IGLL5: variants seen among roughly 807,000 people sequenced by gnomAD.
The protein encoded by IGLL5 is immunoglobulin lambda-like polypeptide 5.
Under a neutral mutation model 20.9 loss-of-function variants are expected in IGLL5, and 30 were observed. The observed-to-expected ratio is 1.44, with a 90% CI of 1.07 to 1.95. IGLL5 has a LOEUF of 1.95. Among genes scored for constraint, IGLL5 ranks in the 30% most tolerant of loss-of-function variants. The pLI is 0.00. For missense variants in IGLL5, 475 were observed against 270.7 expected (o/e 1.75, Z -5.30); for synonymous variants, 203 against 117.3 (o/e 1.73, Z -4.72).
intron 2 of IGLL5, among the ~76,000 whole-genome samples, chr22:22,894,218 TAGGGGAGCAGCCCCA>T: frequency 6.6e-6 from 1 of 151,028 alleles, no homozygotes; most frequent in Admixed American, 6.6e-5. Flanking sequence ...TCTCATAGTC[TAGGGGAGCAGCCCCA>T]AGAACAGCTG....
chr22:22,891,026 A>T (rs1052130196), intron 1 of IGLL5, among the ~76,000 whole-genome samples: 1 of 150,998 alleles, frequency 6.6e-6, no homozygotes, highest in Admixed American at 6.6e-5. Context: ...TATTGTAAAT[A>T]TTTTTCCCTG....
intron 2 of IGLL5, among the ~76,000 whole-genome samples, chr22:22,894,781 C>T (rs1601628584): frequency 2.6e-5 from 4 of 151,280 alleles, no homozygotes; most frequent in East Asian, 2.0e-4. Context: ...CATCTCAGAG[C>T]CTCAGAGGAG....
chr22:22,893,995 CT>C, intron 2 of IGLL5, among the ~76,000 whole-genome samples, 177 bp downstream of exon 2: 1 of 151,618 alleles, frequency 6.6e-6, no homozygotes, highest in African/African-American at 2.4e-5. Context: ...CAGGAAGGGC[CT>C]CCACAGTGGG....
intron 1 of IGLL5, among the ~76,000 whole-genome samples, chr22:22,890,440 A>T (rs2067799447): frequency 6.6e-6 from 1 of 150,702 alleles, no homozygotes; most frequent in African/African-American, 2.4e-5. Context: ...ATCAGTCCAT[A>T]TGGATTAACC....
chr22:22,890,891 T>G (rs2067825173), intron 1 of IGLL5, among the ~76,000 whole-genome samples: 1 of 151,228 alleles, frequency 6.6e-6, no homozygotes, highest in African/African-American at 2.4e-5. Flanking sequence ...TTTATTGGTT[T>G]TATTTCGTCT....
intron 1 of IGLL5, among the ~76,000 whole-genome samples, chr22:22,892,575 A>G (rs2067882568): frequency 1.3e-5 from 2 of 150,950 alleles, no homozygotes; most frequent in African/African-American, 4.9e-5. Context: ...TAACTTGCTG[A>G]AGTGAGGACT....
chr22:22,895,750 G>T lies in IGLL5; in HGVS notation c.*56G>T, dbSNP rs2066754556. The T allele has an allele frequency of 6.5e-7, 1 of 1,530,704 alleles. No individual in the cohort carries two copies. The highest frequency in any genetic ancestry group is 1.4e-5 in the African/African-American group (1 of 73,280). 94.8% of individuals were successfully genotyped at this position (1,530,704 alleles called of 1,614,324 possible). A position where few individuals can be genotyped will look rare whatever the true frequency, so the allele number is the denominator to read the frequency against. On this transcript the variant is annotated 3_prime_UTR_variant, in exon 3 of 3. Coordinates refer to ENST00000526893, the MANE Select transcript of IGLL5 (RefSeq NM_001178126.2). ...CTGGAGCTGCAGGATCCCAGGGGAG[G>T]GGTCTCTCTCCCCATCCCAAGTCAT...
rs531175408 is a variant in IGLL5 at position 22,888,176 on chromosome 22, A to C, written c.123A>C (p.Pro41=). ...TGGTCGCCCATGGCCTGCTGCGCCCAATGGTTGCACCGCAAAGCGGGGACC... is the reference window on the plus strand; with the variant it reads ...TGGTCGCCCATGGCCTGCTGCGCCCCATGGTTGCACCGCAAAGCGGGGACC... ...LAMVAHGLLR[P]MVAPQSGDPD... Residue 41 remains proline (P), a synonymous_variant, in exon 1 of 3, where the codon CCA becomes CCC. Coordinates refer to ENST00000526893, the MANE Select transcript of IGLL5 (RefSeq NM_001178126.2). 1.9e-6 allele frequency: 3 copies of C among 1,548,972 alleles called. No individual in the cohort carries two copies. Among genetic ancestry groups the C allele is most frequent in the Admixed American group, 2.0e-5 (1 of 50,802 alleles).
intron 1 of IGLL5, among the ~76,000 whole-genome samples, chr22:22,888,799 C>A (rs549968174): frequency 6.6e-6 from 1 of 151,338 alleles, no homozygotes; most frequent in African/African-American, 2.4e-5. Flanking sequence ...GTGGGATGAA[C>A]CGAGGGGAGC....
chr22:22,888,741 A>C (rs142145571), intron 1 of IGLL5, among the ~76,000 whole-genome samples: 5 of 151,342 alleles, frequency 3.3e-5, no homozygotes, highest in South Asian at 2.1e-4. Context: ...CTGTTCACCA[A>C]CTTGCACATA....
chr22:22,893,656 C>G (rs1236994205), intron 1 of IGLL5, 44 bp from the exon 2 acceptor site: 1 of 1,302,540 alleles, frequency 7.7e-7, no homozygotes. Context: ...ATGTCTAGGT[C>G]CCAGCCCCGC....
In IGLL5 at chr22:22,888,222, G is replaced by A. The variant is rs1180346488; in HGVS notation, c.169G>A (p.Gly57Arg). ...SGDPDPGASV[G>R]SSRSSLRSLW... ...GGACCCAGACCCTGGAGCCTCAGTT[G>A]GAAGCAGCCGATCCAGCCTGCGGAG... is the stretch of plus-strand genomic sequence containing the variant. Residue 57 changes from glycine to arginine, a missense_variant, in exon 1 of 3, where the codon GGA becomes AGA. Transcript: ENST00000526893. 1.3e-6 allele frequency: 2 copies of A among 1,548,298 alleles called. No homozygotes were observed. The highest frequency in any genetic ancestry group is 2.0e-5 in the Admixed American group (1 of 50,800).
intron 2 of IGLL5, among the ~76,000 whole-genome samples, chr22:22,894,785 A>G (rs559775435): frequency 2.0e-5 from 3 of 151,330 alleles, no homozygotes; most frequent in Admixed American, 1.3e-4. Context: ...TCAGAGCCTC[A>G]GAGGAGCCCT....
chr22:22,894,484 A>C (rs141148343), intron 2 of IGLL5, among the ~76,000 whole-genome samples: 5 of 151,500 alleles, frequency 3.3e-5, no homozygotes, highest in African/African-American at 1.2e-4. Context: ...ACAGTCTCTT[A>C]GGGCAGAGAT....
chr22:22,894,434 G>C (rs2068030992), intron 2 of IGLL5, among the ~76,000 whole-genome samples: 1 of 151,408 alleles, frequency 6.6e-6, no homozygotes, highest in Non-Finnish European at 1.5e-5. Flanking sequence ...TGGGTGAGGT[G>C]CCAGAATCCA....
intron 1 of IGLL5, among the ~76,000 whole-genome samples, chr22:22,888,531 T>G (rs2067611246): frequency 4.6e-5 from 7 of 151,384 alleles, no homozygotes; most frequent in Middle Eastern, 3.7e-3. Context: ...CTCAATCACC[T>G]AGTCCTAGTC....
rs780905067 is a variant in IGLL5 at position 22,893,714 on chromosome 22, C to T, written c.221C>T (p.Pro74Leu). 13 of 1,607,180 alleles carry T rather than the reference C, an allele frequency of 8.1e-6. No individual in the cohort carries two copies. The African/African-American group carries it at 1.7e-4, about 22-fold the overall frequency. The change falls in exon 2 of 3, where the codon CCC becomes CTC. Residue 74 changes from proline (P) to leucine (L), a missense_variant. Transcript: ENST00000526893. ...ATGCCCAGCAGGCTCCTGCTCCAGC[C>T]CAGCCCCCAGAGAGCAGACCCCAGG... Reference protein sequence around the residue: ...RSLWGRLLLQPSPQRADPRCW... With the variant: ...RSLWGRLLLQLSPQRADPRCW...
At position 22,888,935 on chromosome 22, in the gene IGLL5, C is replaced by T. The variant is rs533795974; in HGVS notation, c.206+676C>T. Among the ~76,000 whole-genome samples, 3 of 151,268 alleles carry T rather than the reference C, an allele frequency of 2.0e-5. 1 individual carries two copies. The highest frequency in any genetic ancestry group is 2.1e-4 in the South Asian group (1 of 4,758). The stretch of plus-strand genomic sequence containing the variant: ...GGGCACTGGCTGGTGATGGGTGCCC[C>T]CAAAAGACAGAGCAGCGTCAGAGGA... On this transcript the variant is annotated intron_variant, in intron 1 of 2. Coordinates refer to ENST00000526893, the MANE Select transcript of IGLL5 (RefSeq NM_001178126.2).
intron 2 of IGLL5, among the ~76,000 whole-genome samples, chr22:22,894,202 G>C (rs1469823942): frequency 4.6e-5 from 7 of 151,260 alleles, no homozygotes; most frequent in Middle Eastern, 3.8e-3. Flanking sequence ...CCTGGGAGCT[G>C]CTGAGTCTCA....
Sources: gnomAD v4.1 joint callset for allele counts (sites outside exome capture counted in the v4.1 genomes callset) on GRCh38, gnomAD v4.1.1 for gene constraint, MANE v1.5 for transcripts, NCBI Gene and HGNC (gene_info 2026-07-23, HGNC 2026-07-21) for gene names.